HECTD2: variants seen among roughly 807,000 people sequenced by gnomAD.
HECTD2 encodes HECT domain E3 ubiquitin protein ligase 2.
A neutral mutation model predicts 103.2 loss-of-function variants in HECTD2; 35 were observed. The observed-to-expected ratio is 0.34, with a 90% CI of 0.26 to 0.45. HECTD2 has a LOEUF of 0.45. Ranked by LOEUF, HECTD2 falls within the 20% of genes least tolerant of loss-of-function variation. The pLI is 1.00. For missense variants in HECTD2, 596 were observed against 937.4 expected (o/e 0.64, Z 4.76); for synonymous variants, 281 against 329.9 (o/e 0.85, Z 1.61).
At chr10:91,450,684 A>T (rs1359417300) in intron 2 of HECTD2, among the ~76,000 whole-genome samples, 2 of 152,042 alleles carry the variant, frequency 1.3e-5, no homozygotes, top group Non-Finnish European at 2.9e-5. Flanking sequence ...TACAAGAAAA[A>T]AAAAAACCAT....
chr10:91,476,885 C>T (rs1016962920), intron 5 of HECTD2, among the ~76,000 whole-genome samples: 1 of 152,120 alleles, frequency 6.6e-6, no homozygotes, highest in Non-Finnish European at 1.5e-5. Flanking sequence ...GGGATAAAAA[C>T]CCCTGCGGGT....
At chr10:91,493,538 C>T in intron 14 of HECTD2, 30 bp downstream of exon 14, 1 of 1,121,620 alleles carries the variant, frequency 8.9e-7, no homozygotes, top group Non-Finnish European at 1.3e-6. Context: ...CTAGGAGGTG[C>T]TAATAGATTA....
At chr10:91,439,432 CTA>C (rs879329512) in intron 2 of HECTD2, among the ~76,000 whole-genome samples, 1 of 150,232 alleles carries the variant, frequency 6.7e-6, no homozygotes, top group African/African-American at 2.4e-5. Flanking sequence ...TTCCATTGGT[CTA>C]TATATATATA....
intron 12 of HECTD2, 105 bp from the exon 13 acceptor site, chr10:91,492,247 T>C (rs1055897979): frequency 2.2e-5 from 23 of 1,055,580 alleles, no homozygotes; most frequent in Admixed American, 4.2e-5. Flanking sequence ...TTTTGTAGCA[T>C]TGCAAATAAG....
chr10:91,466,270 G>C lies in HECTD2; in HGVS notation c.600+4086G>C, dbSNP rs114881518. Reference sequence around the variant, plus strand: ...ATGTCTATAGAATCAGTGTGAGAATGATCTTTCATTTAGTAATTAGTATTT... The same window carrying C: ...ATGTCTATAGAATCAGTGTGAGAATCATCTTTCATTTAGTAATTAGTATTT... On this transcript the variant is annotated intron_variant, in intron 5 of 20. Coordinates refer to ENST00000298068, the MANE Select transcript of HECTD2 (RefSeq NM_182765.6). Among the ~76,000 whole-genome samples, 302 of 152,142 alleles carry C rather than the reference G, an allele frequency of 2.0e-3. 1 individual carries two copies. Among genetic ancestry groups the C allele is most frequent in the African/African-American group, 7.0e-3 (292 of 41,536 alleles).
intron 2 of HECTD2, among the ~76,000 whole-genome samples, chr10:91,454,678 T>C (rs1844992913): frequency 1.3e-5 from 2 of 152,098 alleles, no homozygotes; most frequent in Admixed American, 1.3e-4. Flanking sequence ...CATTAACTCG[T>C]CATTTACATT....
intron 2 of HECTD2, among the ~76,000 whole-genome samples, chr10:91,435,116 A>T (rs985129385): frequency 1.3e-5 from 2 of 151,936 alleles, no homozygotes; most frequent in African/African-American, 4.8e-5. Flanking sequence ...ATAAAATTAA[A>T]ACCCAAGAAC....
intron 2 of HECTD2, among the ~76,000 whole-genome samples, chr10:91,450,574 C>T (rs1212814728): frequency 6.6e-6 from 1 of 151,964 alleles, no homozygotes; most frequent in Non-Finnish European, 1.5e-5. Flanking sequence ...AAACTATCAT[C>T]AGAGTGAAGA....
intron 6 of HECTD2, among the ~76,000 whole-genome samples, chr10:91,479,460 T>C (rs548999104): frequency 6.6e-6 from 1 of 152,316 alleles, no homozygotes; most frequent in East Asian, 1.9e-4. Flanking sequence ...CTGTATAGTT[T>C]CATGTGACTT....
intron 1 of HECTD2, among the ~76,000 whole-genome samples, chr10:91,411,537 C>A (rs954469481): frequency 2.6e-5 from 4 of 152,170 alleles, no homozygotes; most frequent in African/African-American, 9.7e-5. Flanking sequence ...TTTCTTAAAA[C>A]CTCCCTCTTA....
chr10:91,486,207 A>G (rs2133296251), intron 10 of HECTD2: 1 of 152,262 alleles, frequency 6.6e-6, no homozygotes, highest in African/African-American at 2.4e-5. Flanking sequence ...TGAAACATAG[A>G]ATGGGCTTCT....
At chr10:91,436,382 C>T (rs546289916) in intron 2 of HECTD2, among the ~76,000 whole-genome samples, 4 of 152,144 alleles carry the variant, frequency 2.6e-5, no homozygotes, top group East Asian at 3.9e-4. Flanking sequence ...AGATTCCCCA[C>T]GAAAGTGTCT....
chr10:91,460,214 T>C (rs1230517769), intron 2 of HECTD2, among the ~76,000 whole-genome samples: 1 of 152,126 alleles, frequency 6.6e-6, no homozygotes, highest in Non-Finnish European at 1.5e-5. Flanking sequence ...TGCACATCCA[T>C]GTAAGATACA....
chr10:91,428,683 G>C lies in HECTD2; in HGVS notation c.268+3273G>C, dbSNP rs1049377057. On this transcript the variant is annotated intron_variant, in intron 2 of 20. Transcript: ENST00000298068. ...TCATGATTTGGCTCTCTGTTTGTCTGTTATTGGTGTATAAGAATGCTTGTG... is the reference window on the plus strand; with the variant it reads ...TCATGATTTGGCTCTCTGTTTGTCTCTTATTGGTGTATAAGAATGCTTGTG... 5.3e-4 allele frequency among the ~76,000 whole-genome samples: 80 copies of C among 151,710 alleles called. No individual in the cohort carries two copies. In the South Asian group the frequency reaches 0.016, roughly 31 times the overall value.
intron 5 of HECTD2, among the ~76,000 whole-genome samples, chr10:91,466,794 T>C (rs1845546163): frequency 6.6e-6 from 1 of 152,136 alleles, no homozygotes; most frequent in Non-Finnish European, 1.5e-5. Flanking sequence ...GTACATTCCA[T>C]ATCATGGAAA....
intron 2 of HECTD2, among the ~76,000 whole-genome samples, chr10:91,444,165 C>T (rs1844491169): frequency 6.6e-6 from 1 of 152,086 alleles, no homozygotes; most frequent in South Asian, 2.1e-4. Context: ...CACTTTTTCC[C>T]AACCTGGCTA....
At chr10:91,483,662 A>G (rs1846171024) in intron 8 of HECTD2, among the ~76,000 whole-genome samples, 1 of 151,960 alleles carries the variant, frequency 6.6e-6, no homozygotes, top group Non-Finnish European at 1.5e-5. Flanking sequence ...CATAGTAGTT[A>G]TATTCTATAA....
At chr10:91,501,046 G>A (rs562608571) in intron 19 of HECTD2, 145 bp from the exon 20 acceptor site, 5 of 625,468 alleles carry the variant, frequency 8.0e-6, no homozygotes, top group African/African-American at 7.5e-5. Flanking sequence ...TACGTATATA[G>A]AAGCTCACCA....
At chr10:91,454,467 A>C (rs1436043943) in intron 2 of HECTD2, among the ~76,000 whole-genome samples, 2 of 152,144 alleles carry the variant, frequency 1.3e-5, no homozygotes, top group Admixed American at 6.6e-5. Context: ...AGATGGAATG[A>C]AAATAAAAAC....
Sources: allele counts gnomAD v4.1 joint callset (sites outside exome capture counted in the v4.1 genomes callset), GRCh38; gene constraint gnomAD v4.1.1; transcripts MANE v1.5; gene names NCBI Gene and HGNC (gene_info 2026-07-23, HGNC 2026-07-21).